GAPVD1: variants seen among roughly 807,000 people sequenced by gnomAD.
The protein encoded by GAPVD1 is GTPase activating protein and VPS9 domains 1, also known as GTPase-activating protein and VPS9 domain-containing protein 1.
Under a neutral mutation model 155.5 loss-of-function variants are expected in GAPVD1, and 35 were observed. The observed-to-expected ratio is 0.23, with a 90% CI of 0.17 to 0.30. The LOEUF (loss-of-function observed/expected upper bound fraction) is 0.30. Ranked by LOEUF, GAPVD1 falls within the 10% of genes least tolerant of loss-of-function variation. The probability of loss-of-function intolerance (pLI) is 1.00; values close to 1 mark genes in which losing one functional copy is unlikely to be tolerated. For synonymous variants in GAPVD1, 636 were observed against 619.7 expected, an observed-to-expected ratio of 1.03 and a Z score of -0.39; for missense variants, 1,429 against 1,775.7, an observed-to-expected ratio of 0.80 and a Z score of 3.51.
intron 9 of GAPVD1, among the ~76,000 whole-genome samples, chr9:125,319,571 A>G (rs1296672833): frequency 2.2e-5 from 3 of 139,480 alleles, no homozygotes; most frequent in African/African-American, 8.0e-5. Context: ...GCCTATGTCT[A>G]TTAATTTCAA....
chr9:125,280,913 T>C (rs545057344), intron 2 of GAPVD1, among the ~76,000 whole-genome samples: 1 of 152,266 alleles, frequency 6.6e-6, no homozygotes, highest in Non-Finnish European at 1.5e-5. Context: ...AAAGATTTGC[T>C]ATTAGGTGGA....
At position 125,332,639 on chromosome 9, in the gene GAPVD1, G is replaced by A. The variant is rs373263326; in HGVS notation, c.2428+10G>A. On this transcript the variant is annotated intron_variant, in intron 15 of 27. Coordinates refer to ENST00000297933, the MANE Select transcript of GAPVD1 (RefSeq NM_001282680.3). ...GATGAAATAACTCACGGTAAGAGGGGGAAATGAGGATGACTTAAAAAATGA... is the reference window on the plus strand; with the variant it reads ...GATGAAATAACTCACGGTAAGAGGGAGAAATGAGGATGACTTAAAAAATGA... 1.4e-5 allele frequency: 22 copies of A among 1,603,398 alleles called. No individual in the cohort carries two copies. The highest frequency in any genetic ancestry group is 1.9e-5 in the Non-Finnish European group (22 of 1,175,968).
intron 27 of GAPVD1, among the ~76,000 whole-genome samples, chr9:125,361,562 G>C (rs371335831): frequency 6.6e-6 from 1 of 151,712 alleles, no homozygotes; most frequent in Non-Finnish European, 1.5e-5. Flanking sequence ...CTTAGTTGGG[G>C]CTCAGTATAT....
At chr9:125,347,065 C>T in intron 20 of GAPVD1, 124 bp downstream of exon 20, 1 of 881,854 alleles carries the variant, frequency 1.1e-6, no homozygotes. Flanking sequence ...CTCAAAATTA[C>T]AGACTGCCTA....
chr9:125,350,679 CAAG>C (rs1352947488), intron 22 of GAPVD1, 31 bp from the exon 23 acceptor site: 5 of 1,332,290 alleles, frequency 3.8e-6, no homozygotes, highest in Non-Finnish European at 5.3e-6. Context: ...TGGAAATTCT[CAAG>C]AATAACAGAA....
intron 20 of GAPVD1, among the ~76,000 whole-genome samples, chr9:125,348,321 T>C (rs1205225543): frequency 6.6e-6 from 1 of 152,046 alleles, no homozygotes; most frequent in Non-Finnish European, 1.5e-5. Flanking sequence ...TTCCGAAGAA[T>C]AAGGATATTT....
chr9:125,316,561 A>G (rs979853012), intron 9 of GAPVD1, among the ~76,000 whole-genome samples: 3 of 152,212 alleles, frequency 2.0e-5, no homozygotes, highest in Non-Finnish European at 4.4e-5. Flanking sequence ...CCTGCAAAGG[A>G]CATGAACTAA....
intron 9 of GAPVD1, among the ~76,000 whole-genome samples, chr9:125,320,557 C>A (rs1844173231): frequency 6.6e-6 from 1 of 151,962 alleles, no homozygotes; most frequent in African/African-American, 2.4e-5. Context: ...AATTTATTTA[C>A]TTTTATTTAC....
Position 125,321,551 on chromosome 9 carries a change from G to C in GAPVD1, c.1721G>C (p.Gly574Ala), listed in dbSNP as rs1353382069. 1.2e-6 allele frequency: 2 copies of C among 1,613,126 alleles called. No individual in the cohort carries two copies. ...TCCCTCTGCAGTGATAATCTGGAAGGAATATCTGAAGGTGAAGGGTTACTT... is the reference window on the plus strand; with the variant it reads ...TCCCTCTGCAGTGATAATCTGGAAGCAATATCTGAAGGTGAAGGGTTACTT... Reference protein sequence around the residue: ...RFSLCSDNLEGISEGPSNRSN... With the variant: ...RFSLCSDNLEAISEGPSNRSN... The change falls in exon 10 of 28, where the codon GGA (glycine) becomes GCA (alanine). Residue 574 changes from glycine to alanine, a missense_variant. Gly to Ala is a moderately conservative substitution (Grantham distance 60). Coordinates refer to ENST00000297933, the MANE Select transcript of GAPVD1 (RefSeq NM_001282680.3).
intron 27 of GAPVD1, 54 bp downstream of exon 27, chr9:125,360,779 G>T (rs1261436573): frequency 1.5e-6 from 2 of 1,330,654 alleles, no homozygotes; most frequent in African/African-American, 2.9e-5. Context: ...TGAGCAGGTG[G>T]CACAGGGCTT....
At chr9:125,320,457 A>G (rs976844111) in intron 9 of GAPVD1, among the ~76,000 whole-genome samples, 5 of 152,130 alleles carry the variant, frequency 3.3e-5, no homozygotes, top group African/African-American at 1.2e-4. Flanking sequence ...GTGGCCCTGT[A>G]TGTATGTTGT....
rs1840588761 is a variant in GAPVD1, at chr9:125,300,041, AT to A, written c.185+936del. Among the ~76,000 whole-genome samples the A allele has an allele frequency of 1.1e-3, 15 of 13,556 alleles. 1 individual carries two copies. The highest frequency in any genetic ancestry group is 1.9e-3 in the East Asian group (1 of 528). The allele number at this position is 13,556 out of a possible 152,430, so 8.9% of individuals were successfully genotyped here. ...CTCAAAAGAAAAAAAAAAAAAAAAT[AT>A]ATATATATATATATATATATATATA... On this transcript the variant is annotated intron_variant, in intron 4 of 27. Transcript: ENST00000297933.
At chr9:125,285,884 C>A (rs905770618) in intron 2 of GAPVD1, among the ~76,000 whole-genome samples, 1 of 152,060 alleles carries the variant, frequency 6.6e-6, no homozygotes, top group Admixed American at 6.6e-5. Flanking sequence ...TCTTGGCTTA[C>A]TGCAGCATTG....
rs1053696581 is a variant in GAPVD1, at chr9:125,356,763, C to G, written c.3971+906C>G. Among the ~76,000 whole-genome samples the G allele has an allele frequency of 2.6e-5, 4 of 152,164 alleles. No homozygotes were observed. In the East Asian group the frequency reaches 7.7e-4, roughly 29 times the overall value. On this transcript the variant is annotated intron_variant, in intron 25 of 27. Transcript: ENST00000297933. ...CTCAGCTCACTGCAGCCTCTGCCTC[C>G]TGGGCTTAAGCGATTCTCCTGCCTC...
In GAPVD1 at chr9:125,302,105, T is replaced by C. The variant is rs369932541; in HGVS notation, c.308T>C (p.Leu103Ser). 1.9e-6 allele frequency: 3 copies of C among 1,613,912 alleles called. No individual in the cohort carries two copies. The African/African-American group carries it at 4.0e-5, about 22-fold the overall frequency. The change falls in exon 5 of 28, where the codon TTG becomes TCG. Residue 103 changes from leucine (L) to serine (S), a missense_variant. By Grantham distance (145) the Leu-to-Ser change is moderately radical. Transcript: ENST00000297933. The part of the protein sequence containing the change: ...ETAYGEFLSR[L>S]RENPRLIASS... ...GCTTATGGAGAATTCTTGAGTCGAT[T>C]GAGGGAAAATCCTCGTCTTATTGCC...
At chr9:125,325,768 G>A (rs2131621832) in intron 11 of GAPVD1, among the ~76,000 whole-genome samples, 1 of 152,286 alleles carries the variant, frequency 6.6e-6, no homozygotes, top group Non-Finnish European at 1.5e-5. Context: ...GTTGCAAGCA[G>A]CAGAGAAAAC....
Position 125,314,810 on chromosome 9 carries a change from C to T in GAPVD1, c.1602+2198C>T, listed in dbSNP as rs1470053474. On this transcript the variant is annotated intron_variant, in intron 9 of 27. Transcript: ENST00000297933. ...GCTTCTTTTTTTTTTTTTTTTGAGA[C>T]GGAGTCTCACTCTGTCACCCAGGCT... Among the ~76,000 whole-genome samples, 8 of 138,906 alleles carry T rather than the reference C, an allele frequency of 5.8e-5. 1 individual carries two copies. Among genetic ancestry groups the T allele is most frequent in the South Asian group, 4.6e-4 (2 of 4,314 alleles). 91.1% of individuals were successfully genotyped at this position (138,906 alleles called of 152,430 possible). A position where few individuals can be genotyped will look rare whatever the true frequency, so the allele number is the denominator to read the frequency against.
intron 5 of GAPVD1, 88 bp downstream of exon 5, chr9:125,302,914 C>T (rs1841127706): frequency 1.4e-6 from 2 of 1,457,572 alleles, no homozygotes; most frequent in Admixed American, 4.6e-5. Flanking sequence ...AATACGATGA[C>T]AGTATTTGTA....
At chr9:125,276,979 G>A (rs1324169024) in intron 2 of GAPVD1, among the ~76,000 whole-genome samples, 1 of 151,978 alleles carries the variant, frequency 6.6e-6, no homozygotes, top group Non-Finnish European at 1.5e-5. Flanking sequence ...GTCCAGGCTG[G>A]TCTTTTGAAT....
Sources: allele counts gnomAD v4.1 joint callset (sites outside exome capture counted in the v4.1 genomes callset), GRCh38; gene constraint gnomAD v4.1.1; transcripts MANE v1.5; gene names NCBI Gene and HGNC (gene_info 2026-07-23, HGNC 2026-07-21).